The following ATP8B4 variants were observed in gnomAD, a reference collection of about 807,000 sequenced individuals.
ATP8B4 encodes the protein probable phospholipid-transporting ATPase IM.
ATP8B4 carries 133 observed loss-of-function variants against 145.6 expected under a neutral mutation model. The ratio of observed to expected loss-of-function variants is 0.91; its 90% confidence interval spans 0.79 to 1.05. The LOEUF (loss-of-function observed/expected upper bound fraction) is 1.05. Among genes scored for constraint, ATP8B4 ranks in the 50% least tolerant of loss-of-function variants. The probability of loss-of-function intolerance (pLI) is 0.00; values close to 1 mark genes in which losing one functional copy is unlikely to be tolerated. For missense variants in ATP8B4, 1,458 were observed against 1,425.2 expected (o/e 1.02, Z -0.37); for synonymous variants, 507 against 492.9 (o/e 1.03, Z -0.38).
At chr15:50,040,007 C>T (rs745706749) in intron 5 of ATP8B4, among the ~76,000 whole-genome samples, 6 of 152,310 alleles carry the variant, frequency 3.9e-5, no homozygotes, top group East Asian at 1.9e-4. Context: ...CTTCTTCCTA[C>T]GAGTAGAACA....
At chr15:50,097,183 T>C (rs759015938) in intron 2 of ATP8B4, among the ~76,000 whole-genome samples, 26 of 152,174 alleles carry the variant, frequency 1.7e-4, no homozygotes, top group Non-Finnish European at 3.4e-4. Flanking sequence ...TCTTTAAACA[T>C]ATAAATTAAT....
At chr15:49,992,066 AC>A (rs2047084787) in intron 9 of ATP8B4, among the ~76,000 whole-genome samples, 1 of 152,138 alleles carries the variant, frequency 6.6e-6, no homozygotes, top group Non-Finnish European at 1.5e-5. Context: ...TGGCTTCTCC[AC>A]TTAACAGCCA....
At chr15:49,913,567 T>C (rs1599097140) in intron 20 of ATP8B4, among the ~76,000 whole-genome samples, 2 of 152,004 alleles carry the variant, frequency 1.3e-5, no homozygotes, top group South Asian at 2.1e-4. Context: ...AATTGAAAAA[T>C]AGAAGTCAAA....
chr15:49,909,322 G>A (rs1255024149), intron 20 of ATP8B4, among the ~76,000 whole-genome samples: 2 of 152,136 alleles, frequency 1.3e-5, no homozygotes, highest in African/African-American at 2.4e-5. Flanking sequence ...CTTACCACCC[G>A]TGGACCTGGG....
intron 2 of ATP8B4, among the ~76,000 whole-genome samples, chr15:50,097,343 A>G (rs1364957460): frequency 7.1e-6 from 1 of 141,108 alleles, no homozygotes; most frequent in Non-Finnish European, 1.6e-5. Context: ...GGTGTTATGT[A>G]ATCTAATTAT....
At chr15:50,103,969 C>T (rs528756322) in intron 2 of ATP8B4, among the ~76,000 whole-genome samples, 60 of 152,166 alleles carry the variant, frequency 3.9e-4, no homozygotes, top group Admixed American at 3.1e-3. Context: ...CAAACAAAAT[C>T]ATCAATGGGG....
upstream of ATP8B4, among the ~76,000 whole-genome samples, chr15:50,124,049 G>T (rs1428430169): frequency 6.6e-6 from 1 of 152,030 alleles, no homozygotes; most frequent in African/African-American, 2.4e-5. Flanking sequence ...GGGCCACCAC[G>T]CCCCCTTCTC....
chr15:50,165,782 A>C (rs1217553137), intron 1 of ATP8B4, among the ~76,000 whole-genome samples: 1 of 151,728 alleles, frequency 6.6e-6, no homozygotes, highest in African/African-American at 2.4e-5. Flanking sequence ...AGAAAGAAAA[A>C]AGCAAATAAA....
intron 2 of ATP8B4, among the ~76,000 whole-genome samples, chr15:50,089,726 C>T (rs761814832): frequency 4.6e-5 from 7 of 151,422 alleles, no homozygotes; most frequent in Admixed American, 3.3e-4. Context: ...TGCAATGGCG[C>T]GATCTTGAGA....
chr15:50,046,289 C>T (rs1001154533), intron 4 of ATP8B4, among the ~76,000 whole-genome samples: 4 of 152,102 alleles, frequency 2.6e-5, no homozygotes, highest in African/African-American at 9.7e-5. Flanking sequence ...CTCTCTCTCC[C>T]CCTCCCCCTC....
chr15:50,072,959 T>TATACACA (rs2053875092), intron 3 of ATP8B4, among the ~76,000 whole-genome samples: 1 of 32,902 alleles, frequency 3.0e-5, no homozygotes, highest in African/African-American at 1.4e-4. Context: ...TCTCTCTCTC[T>TATACACA]CTCTCTCTCT....
intron 26 of ATP8B4, among the ~76,000 whole-genome samples, chr15:49,863,624 G>A (rs1177825320): frequency 6.6e-6 from 1 of 152,070 alleles, no homozygotes; most frequent in Non-Finnish European, 1.5e-5. Context: ...GCTTTTTCTG[G>A]CTTTAGAGAC....
At chr15:50,177,445 C>T (rs2044780772) in intron 1 of ATP8B4, among the ~76,000 whole-genome samples, 1 of 152,156 alleles carries the variant, frequency 6.6e-6, no homozygotes, top group South Asian at 2.1e-4. Flanking sequence ...CCCACCTATG[C>T]GATGGGTTTA....
At chr15:49,956,104 C>A (rs1209016787) in intron 14 of ATP8B4, among the ~76,000 whole-genome samples, 1 of 152,128 alleles carries the variant, frequency 6.6e-6, no homozygotes, top group African/African-American at 2.4e-5. Flanking sequence ...GGATTACTGA[C>A]TTCTGGAATG....
At chr15:50,054,627 C>CA (rs2052444655) in intron 3 of ATP8B4, among the ~76,000 whole-genome samples, 1 of 151,196 alleles carries the variant, frequency 6.6e-6, no homozygotes, top group African/African-American at 2.4e-5. Flanking sequence ...ACTAAAAATA[C>CA]AAAAAAATTG....
At chr15:50,070,475 G>T (rs900108453) in intron 3 of ATP8B4, among the ~76,000 whole-genome samples, 3 of 152,152 alleles carry the variant, frequency 2.0e-5, no homozygotes, top group African/African-American at 7.2e-5. Context: ...GCTGAGAGAG[G>T]CTCCACAGTT....
chr15:50,050,588 T>C (rs1475596189), intron 3 of ATP8B4, among the ~76,000 whole-genome samples: 1 of 151,962 alleles, frequency 6.6e-6, no homozygotes, highest in Non-Finnish European at 1.5e-5. Flanking sequence ...ATGCCTTTTA[T>C]ATGTTCTTCC....
intron 20 of ATP8B4, among the ~76,000 whole-genome samples, chr15:49,908,483 G>T (rs966046849): frequency 5.3e-5 from 8 of 151,434 alleles, no homozygotes; most frequent in Non-Finnish European, 1.2e-4. Flanking sequence ...ATAAGTGAGG[G>T]ATGCCCAGTG....
intron 14 of ATP8B4, among the ~76,000 whole-genome samples, chr15:49,945,060 G>A (rs1400805371): frequency 6.6e-6 from 1 of 152,026 alleles, no homozygotes; most frequent in African/African-American, 2.4e-5. Context: ...GTACTAAGGA[G>A]GAAGTTCATA....
Sources: allele counts gnomAD v4.1 joint callset (sites outside exome capture counted in the v4.1 genomes callset), GRCh38; gene constraint gnomAD v4.1.1; transcripts MANE v1.5; gene names NCBI Gene and HGNC (gene_info 2026-07-23, HGNC 2026-07-21).